Variants in DNAH10 observed in about 807,000 individuals in gnomAD.
DNAH10 encodes axonemal beta dynein heavy chain 10.
DNAH10 carries 348 observed loss-of-function variants against 506.6 expected under a neutral mutation model. The ratio of observed to expected loss-of-function variants is 0.69; its 90% CI spans 0.63 to 0.75. The LOEUF (loss-of-function observed/expected upper bound fraction) is 0.75. Ranked by LOEUF, DNAH10 falls within the 30% of genes least tolerant of loss-of-function variation. The probability of loss-of-function intolerance (pLI) is 0.00; values close to 1 mark genes in which losing one functional copy is unlikely to be tolerated. For missense variants in DNAH10, 5,179 were observed against 5,787.1 expected (o/e 0.89, Z 3.41); for synonymous variants, 2,059 against 2,198.6 (o/e 0.94, Z 1.78).
intron 38 of DNAH10, among the ~76,000 whole-genome samples, chr12:123,859,744 C>A (rs1046598618): frequency 2.0e-5 from 3 of 151,970 alleles, no homozygotes; most frequent in Non-Finnish European, 2.9e-5. Flanking sequence ...CATTGAAGAT[C>A]GTAAAGGAGC....
intron 45 of DNAH10, among the ~76,000 whole-genome samples, chr12:123,873,080 C>T (rs57024764): frequency 0.033 from 5,079 of 152,244 alleles, 250 homozygotes; most frequent in African/African-American, 0.11. Flanking sequence ...TCTCTTTGAC[C>T]TATTTAGATA....
chr12:123,905,037 G>A (rs1375014399), intron 57 of DNAH10, among the ~76,000 whole-genome samples: 1 of 152,170 alleles, frequency 6.6e-6, no homozygotes, highest in African/African-American at 2.4e-5. Flanking sequence ...CCTGACTTCA[G>A]GTTCTGAGGG....
At chr12:123,924,072 G>C in intron 66 of DNAH10, 1 of 758,866 alleles carries the variant, frequency 1.3e-6, no homozygotes, top group Non-Finnish European at 2.1e-6. Context: ...TCTGTCTCGG[G>C]GCCATCCTGA....
intron 54 of DNAH10, among the ~76,000 whole-genome samples, chr12:123,896,972 GA>G (rs1332364456): frequency 1.3e-5 from 2 of 152,084 alleles, no homozygotes; most frequent in Non-Finnish European, 2.9e-5. Flanking sequence ...ATCCCAAACT[GA>G]AACTCCATAC....
rs190950013 is a variant in DNAH10 at position 123,929,553 on chromosome 12, G to A, written c.12516+69G>A. ...CCCACTTCCTCCCGACTTTCCTCCG[G>A]GTTCAACCACAGCAGGGTTGCACCG... On this transcript the variant is annotated intron_variant, in intron 71 of 78. Transcript: ENST00000673944. 81 of 1,577,492 alleles carry A rather than the reference G, an allele frequency of 5.1e-5. 1 individual carries two copies. In the African/African-American group the frequency reaches 9.2e-4, roughly 18 times the overall value.
At chr12:123,866,110 G>A (rs781512832) in intron 41 of DNAH10, 37 bp downstream of exon 41, 18 of 1,510,112 alleles carry the variant, frequency 1.2e-5, no homozygotes, top group Non-Finnish European at 1.5e-5. Flanking sequence ...AAATTTATTA[G>A]TATTGATGGC....
intron 39 of DNAH10, among the ~76,000 whole-genome samples, chr12:123,863,672 G>A (rs959957917): frequency 1.3e-5 from 2 of 152,228 alleles, no homozygotes; most frequent in African/African-American, 4.8e-5. Flanking sequence ...AAGGACATTT[G>A]TCATTAGATT....
Position 123,814,136 on chromosome 12 carries a change from A to G in DNAH10, c.3780+224A>G, listed in dbSNP as rs544060438. 5 of 386,880 alleles carry G rather than the reference A, an allele frequency of 1.3e-5. No homozygotes were observed. The East Asian group carries it at 1.7e-4, about 13-fold the overall frequency. The allele number at this position is 386,880 out of a possible 1,614,324, so 24.0% of individuals were successfully genotyped here. A position where few individuals can be genotyped will look rare whatever the true frequency, so the allele number is the denominator to read the frequency against. Reference sequence around the variant, plus strand: ...AAATGGATTGATCTGTAACTATACCATTTCCATTCTCCCTTTTCTTTTCTT... The same window carrying G: ...AAATGGATTGATCTGTAACTATACCGTTTCCATTCTCCCTTTTCTTTTCTT... On this transcript the variant is annotated intron_variant, in intron 21 of 78. Transcript: ENST00000673944.
chr12:123,774,752 TC>T (rs1260876117), intron 5 of DNAH10, among the ~76,000 whole-genome samples: 3 of 152,256 alleles, frequency 2.0e-5, no homozygotes, highest in Non-Finnish European at 1.5e-5. Flanking sequence ...GGCCAGGTGT[TC>T]CTTGCCCTCA....
chr12:123,796,205 G>A (rs1305170442), intron 12 of DNAH10, among the ~76,000 whole-genome samples: 1 of 151,944 alleles, frequency 6.6e-6, no homozygotes, highest in African/African-American at 2.4e-5. Flanking sequence ...GCCTGTCCTC[G>A]CAGCACTTTG....
At chr12:123,788,481 C>T (rs11057358) in intron 10 of DNAH10, among the ~76,000 whole-genome samples, 111,556 of 152,052 alleles carry the variant, frequency 0.73, 41,531 homozygotes, top group East Asian at 1. Flanking sequence ...AATGCATTCA[C>T]GGAGAACTCA....
chr12:123,908,121 T>TCTGTCTCCTCCCTATCTCC (rs1953879500), intron 57 of DNAH10, among the ~76,000 whole-genome samples: 2 of 72,934 alleles, frequency 2.7e-5, no homozygotes, highest in African/African-American at 1.9e-4. Context: ...TCCCTGTCTC[T>TCTGTCTCCTCCCTATCTCC]CTGTCTCCTC....
chr12:123,765,561 A>ATGTAT (rs368852149), intron 1 of DNAH10, among the ~76,000 whole-genome samples: 4 of 95,754 alleles, frequency 4.2e-5, no homozygotes, highest in African/African-American at 1.2e-4. Flanking sequence ...ATCTATCTAT[A>ATGTAT]CTTTATCTAT....
intron 5 of DNAH10, among the ~76,000 whole-genome samples, chr12:123,775,054 T>C (rs1401803013): frequency 6.6e-6 from 1 of 152,166 alleles, no homozygotes; most frequent in Non-Finnish European, 1.5e-5. Context: ...ATGTGCACTG[T>C]GTGTGTGCAG....
rs1225594632 is a variant in DNAH10, at chr12:123,864,720, T to C, written c.7034T>C (p.Leu2345Pro). The change falls in exon 40 of 79, where the codon CTG becomes CCG. Residue 2345 changes from leucine (L) to proline (P), a missense_variant. Physicochemically the swap from Leu to Pro is moderately conservative, Grantham distance 98. This residue lies in a region of DNAH10 where 4,844 missense variants were observed against 5,430.5 expected (regional missense o/e 0.89). Transcript: ENST00000673944. Reference protein sequence around the residue: ...ERIRLQAHCALLFEVGDLQYA... With the variant: ...ERIRLQAHCAPLFEVGDLQYA... ...ATCCGGCTCCAAGCACACTGTGCCC[T>C]GCTCTTTGAGGCAAGTAGTGATTAA... The C allele has an allele frequency of 6.2e-7, 1 of 1,612,360 alleles. No homozygotes were observed. Among genetic ancestry groups the C allele is most frequent in the Non-Finnish European group, 8.5e-7 (1 of 1,179,442 alleles).
At chr12:123,765,564 T>TTTATC (rs1956997586) in intron 1 of DNAH10, among the ~76,000 whole-genome samples, 4 of 149,296 alleles carry the variant, frequency 2.7e-5, no homozygotes, top group Non-Finnish European at 4.4e-5. Context: ...TATCTATACT[T>TTTATC]TATCTATCTA....
At position 123,873,653 on chromosome 12, in the gene DNAH10, C is replaced by T. The variant is rs369269297; in HGVS notation, c.7881C>T (p.Tyr2627=). The change falls in exon 46 of 79, where the codon TAC becomes TAT. Residue 2627 remains tyrosine, a synonymous_variant. Transcript: ENST00000673944. Reference sequence around the variant, plus strand: ...TGGAAAAGCGAACCAAAGATACTTACGGCCCACCCATGGGAAAACGCCTGC... The same window carrying T: ...TGGAAAAGCGAACCAAAGATACTTATGGCCCACCCATGGGAAAACGCCTGC... ...ANVEKRTKDT[Y]GPPMGKRLLV... 9.3e-4 allele frequency: 1,503 copies of T among 1,613,652 alleles called. 2 individuals are homozygous for T. Among genetic ancestry groups the T allele is most frequent in the Non-Finnish European group, 1.2e-3 (1,397 of 1,179,754 alleles).
intron 45 of DNAH10, among the ~76,000 whole-genome samples, chr12:123,872,659 A>G (rs932481316): frequency 6.7e-6 from 1 of 149,212 alleles, no homozygotes; most frequent in African/African-American, 2.6e-5. Context: ...AAAATACCCT[A>G]GACCACCAGG....
chr12:123,903,730 GT>G lies in DNAH10; in HGVS notation c.9815+619del, dbSNP rs1045888426. 6.6e-6 allele frequency among the ~76,000 whole-genome samples: 1 copy of G among 152,232 alleles called. No homozygotes were observed. Among genetic ancestry groups the G allele is most frequent in the Non-Finnish European group, 1.5e-5 (1 of 68,044 alleles). ...CATGGCTTGGCCTCCCCAGGGCACTGTTCCTGGGCTCTGATGGTCAGTTGAG... is the reference window on the plus strand; with the variant it reads ...CATGGCTTGGCCTCCCCAGGGCACTGTCCTGGGCTCTGATGGTCAGTTGAG... On this transcript the variant is annotated intron_variant, in intron 57 of 78. Transcript: ENST00000673944. This position sits in a 1 kb window ranked among gnomAD's most constrained non-coding sequence, Gnocchi z 4.6.
Sources: allele counts gnomAD v4.1 joint callset (sites outside exome capture counted in the v4.1 genomes callset), GRCh38; gene constraint gnomAD v4.1.1; regional missense constraint gnomAD v4.1.1; non-coding constraint Gnocchi (gnomAD v3.1); transcripts MANE v1.5; gene names NCBI Gene and HGNC (gene_info 2026-07-23, HGNC 2026-07-21).